The following NALF1 variants were observed in gnomAD, a reference collection of about 807,000 sequenced individuals.
The protein encoded by NALF1 is family with sequence similarity 155 member A.
A neutral mutation model predicts 48.4 loss-of-function variants in NALF1; 3 were observed. The ratio of observed to expected loss-of-function variants is 0.06; its 90% CI spans 0.03 to 0.16. The LOEUF (loss-of-function observed/expected upper bound fraction) is 0.16. Among genes scored for constraint, NALF1 ranks in the 10% least tolerant of loss-of-function variants. NALF1 has a pLI of 1.00. For missense variants in NALF1, 526 were observed against 571.5 expected (o/e 0.92, Z 0.81); for synonymous variants, 262 against 245.7 (o/e 1.07, Z -0.62).
At chr13:107,295,359 A>T (rs977747118) in intron 1 of NALF1, among the ~76,000 whole-genome samples, 12 of 152,234 alleles carry the variant, frequency 7.9e-5, no homozygotes, top group Admixed American at 5.9e-4. Flanking sequence ...CATGGTGTAC[A>T]TATAATACAT....
chr13:107,476,504 T>G (rs2139056979), intron 1 of NALF1, among the ~76,000 whole-genome samples: 1 of 152,242 alleles, frequency 6.6e-6, no homozygotes, highest in Non-Finnish European at 1.5e-5. Flanking sequence ...TAAATCTATC[T>G]AATTATTTTA....
chr13:107,555,439 A>ATTTTTTTTTTTTTTT (rs34486058), intron 1 of NALF1, among the ~76,000 whole-genome samples: 4 of 69,958 alleles, frequency 5.7e-5, no homozygotes, highest in African/African-American at 2.2e-4. Flanking sequence ...AGCCTGGCTA[A>ATTTTTTTTTTTTTTT]TTTTTTTTTT....
chr13:107,496,631 G>A (rs796632937), intron 1 of NALF1, among the ~76,000 whole-genome samples: 10 of 152,260 alleles, frequency 6.6e-5, no homozygotes, highest in African/African-American at 2.2e-4. Flanking sequence ...AAAAGGAAAT[G>A]TATTAGTCCA....
chr13:107,574,097 C>T (rs771061080), intron 1 of NALF1, among the ~76,000 whole-genome samples: 55 of 152,164 alleles, frequency 3.6e-4, no homozygotes, highest in Non-Finnish European at 6.6e-4. Context: ...GTTCTGTCTA[C>T]TTCTACTAAT....
chr13:107,556,350 TAGAG>T (rs778915739), intron 1 of NALF1, among the ~76,000 whole-genome samples: 48 of 146,864 alleles, frequency 3.3e-4, no homozygotes, highest in Middle Eastern at 3.5e-3. Flanking sequence ...TATATATATA[TAGAG>T]AGAGAGAGAG....
intron 1 of NALF1, among the ~76,000 whole-genome samples, chr13:107,753,953 G>T (rs752160776): frequency 2.0e-5 from 3 of 152,268 alleles, no homozygotes; most frequent in Non-Finnish European, 4.4e-5. Flanking sequence ...GGAGGGTGCT[G>T]TGCTCAATTC....
At chr13:107,193,547 C>T (rs1163369909) in intron 2 of NALF1, among the ~76,000 whole-genome samples, 1 of 152,048 alleles carries the variant, frequency 6.6e-6, no homozygotes, top group East Asian at 1.9e-4. Flanking sequence ...GGGAAAAGCA[C>T]CCAGATGTGG....
intron 1 of NALF1, among the ~76,000 whole-genome samples, chr13:107,247,830 T>C (rs1228569698): frequency 6.6e-6 from 1 of 152,202 alleles, no homozygotes; most frequent in Non-Finnish European, 1.5e-5. Flanking sequence ...AAAACCCCTC[T>C]ATTGGCTCAA....
chr13:107,810,983 T>C (rs578210454), intron 1 of NALF1, among the ~76,000 whole-genome samples: 5 of 152,270 alleles, frequency 3.3e-5, no homozygotes, highest in African/African-American at 9.6e-5. Flanking sequence ...ATGTATATAT[T>C]ATTCATAAAT....
intron 1 of NALF1, among the ~76,000 whole-genome samples, chr13:107,254,062 A>AAAAAAAAAAATATATAT: frequency 1.4e-5 from 2 of 138,578 alleles, no homozygotes; most frequent in African/African-American, 5.4e-5. Context: ...CAAGTACTAA[A>AAAAAAAAAAATATATAT]ATATATATAT....
chr13:107,353,904 A>G (rs968367344), intron 1 of NALF1, among the ~76,000 whole-genome samples: 1 of 152,226 alleles, frequency 6.6e-6, no homozygotes, highest in African/African-American at 2.4e-5. Flanking sequence ...GAAGACTGGA[A>G]ATAGCATTGA....
rs148682311 is a variant in NALF1, at chr13:107,693,106, C to T, written c.915+172576G>A. On this transcript the variant is annotated intron_variant, in intron 1 of 2. Transcript: ENST00000375915. ...TCCACAATGGTTGAACTAGTTTACA[C>T]TCCCACCAACAGTGTAAAAGAATTT... Among the ~76,000 whole-genome samples the T allele has an allele frequency of 9.2e-3, 1,405 of 152,286 alleles. 21 individuals carry two copies. The highest frequency in any genetic ancestry group is 0.031 in the African/African-American group (1,297 of 41,566).
chr13:107,642,845 C>T (rs941831337), intron 1 of NALF1, among the ~76,000 whole-genome samples: 3 of 152,206 alleles, frequency 2.0e-5, no homozygotes, highest in Non-Finnish European at 4.4e-5. Flanking sequence ...GCCAGAACCC[C>T]TTTTAACTTC....
chr13:107,718,703 G>T (rs1330707162), intron 1 of NALF1, among the ~76,000 whole-genome samples: 1 of 152,136 alleles, frequency 6.6e-6, no homozygotes, highest in South Asian at 2.1e-4. Flanking sequence ...GGTTTCAATG[G>T]ACTTACTCAA....
In NALF1 at chr13:107,426,907, TATC is replaced by T. The variant is rs767925633; in HGVS notation, c.916-216155_916-216153del. Among the ~76,000 whole-genome samples the T allele has an allele frequency of 7.9e-5, 12 of 152,164 alleles. No individual in the cohort carries two copies. The South Asian group carries it at 8.3e-4, about 11-fold the overall frequency. On this transcript the variant is annotated intron_variant, in intron 1 of 2. Coordinates refer to ENST00000375915, the MANE Select transcript of NALF1 (RefSeq NM_001080396.3). The stretch of plus-strand genomic sequence containing the variant: ...AGGCTCTTGATATAACAGAATAAAA[TATC>T]ATACAGTTATTAAAATGAATAATTG...
Position 107,166,006 on chromosome 13 carries a change from A to ATG in NALF1, c.*4489_*4490dup, listed in dbSNP as rs71204815. On this transcript the variant is annotated 3_prime_UTR_variant, in exon 3 of 3. Transcript: ENST00000375915. ...TTGGTTGAAGTTTTATTTGCAAGCG[A>ATG]TGTGTGTGTGTGTGTGTGTGTGTGT... The ATG allele has an allele frequency of 0.11, 15,901 of 146,120 alleles. 770 individuals carry two copies. The highest frequency in any genetic ancestry group is 0.12 in the Non-Finnish European group (8,221 of 66,376). 9.1% of individuals were successfully genotyped at this position (146,120 alleles called of 1,614,324 possible).
At chr13:107,671,965 A>T (rs1031031812) in intron 1 of NALF1, among the ~76,000 whole-genome samples, 1 of 151,540 alleles carries the variant, frequency 6.6e-6, no homozygotes, top group African/African-American at 2.4e-5. Context: ...AAACAAAAGA[A>T]ATCCTACTTC....
intron 1 of NALF1, among the ~76,000 whole-genome samples, chr13:107,323,525 C>A (rs967215888): frequency 1.3e-5 from 2 of 151,894 alleles, no homozygotes; most frequent in Admixed American, 1.3e-4. Flanking sequence ...TCTCATATAG[C>A]GCTTTTTAAA....
chr13:107,679,940 CTT>C (rs1881235778), intron 1 of NALF1, among the ~76,000 whole-genome samples: 1 of 152,202 alleles, frequency 6.6e-6, no homozygotes, highest in South Asian at 2.1e-4. Flanking sequence ...GTTCACAGCT[CTT>C]CTTTTGCTCC....
Sources: allele counts gnomAD v4.1 joint callset (sites outside exome capture counted in the v4.1 genomes callset), GRCh38; gene constraint gnomAD v4.1.1; transcripts MANE v1.5; gene names NCBI Gene and HGNC (gene_info 2026-07-23, HGNC 2026-07-21).